Variants in RPS6KC1 observed in about 807,000 individuals in gnomAD.
RPS6KC1 encodes ribosomal protein S6 kinase C1.
Under a neutral mutation model 103.8 loss-of-function variants are expected in RPS6KC1, and 54 were observed. The ratio of observed to expected loss-of-function variants is 0.52; its 90% confidence interval spans 0.42 to 0.65. The LOEUF is 0.65. Ranked by LOEUF, RPS6KC1 falls within the 30% of genes least tolerant of loss-of-function variation. The probability of loss-of-function intolerance (pLI) is 0.00; values close to 1 mark genes in which losing one functional copy is unlikely to be tolerated. For synonymous variants in RPS6KC1, 439 were observed against 438.7 expected, an observed-to-expected ratio of 1.00 and a Z score of -0.01; for missense variants, 1,151 against 1,253.8, an observed-to-expected ratio of 0.92 and a Z score of 1.24.
the RPS6KC1 span, among the ~76,000 whole-genome samples, chr1:213,363,632 TTCTTTCTTTCTTTC>T: frequency 1.1e-4 from 3 of 26,270 alleles, 1 homozygote; most frequent in Non-Finnish European, 2.4e-4. Context: ...CTTGCTTTCT[TTCTTTCTTTCTTTC>T]TTTCTTTCTT....
At chr1:213,567,873 G>C in the RPS6KC1 span, among the ~76,000 whole-genome samples, 2 of 152,182 alleles carry the variant, frequency 1.3e-5, no homozygotes, top group African/African-American at 2.4e-5. Flanking sequence ...CCTGGCCTGG[G>C]AAAGTTACTC....
At chr1:213,696,274 C>T in the RPS6KC1 span, among the ~76,000 whole-genome samples, 11 of 151,780 alleles carry the variant, frequency 7.2e-5, no homozygotes, top group South Asian at 2.1e-4. Flanking sequence ...CTGAGGCGGG[C>T]GGATCACCTG....
At chr1:213,572,161 C>T in the RPS6KC1 span, among the ~76,000 whole-genome samples, 5 of 152,166 alleles carry the variant, frequency 3.3e-5, no homozygotes, top group African/African-American at 1.2e-4. Flanking sequence ...GAGGGATGGG[C>T]AGACATAGCT....
chr1:213,452,554 C>T, the RPS6KC1 span, among the ~76,000 whole-genome samples: 2 of 152,184 alleles, frequency 1.3e-5, no homozygotes, highest in Non-Finnish European at 2.9e-5. Context: ...TTCCTCCCCA[C>T]ATTTTCTCTA....
intron 6 of RPS6KC1, among the ~76,000 whole-genome samples, chr1:213,153,747 CT>C (rs1385572268): frequency 4.6e-5 from 7 of 152,138 alleles, no homozygotes; most frequent in Non-Finnish European, 8.8e-5. Context: ...TTTAGCACTT[CT>C]TGTAGGACAG....
In RPS6KC1 at chr1:213,212,266, C is replaced by CT. The variant is rs911438677; in HGVS notation, c.1045-18221dup. ...CTGCCAACATGTGGTAACCACTGATCTTTTTTTTTTCTATCTCCACAGTTT... is the reference window on the plus strand; with the variant it reads ...CTGCCAACATGTGGTAACCACTGATCTTTTTTTTTTTCTATCTCCACAGTTT... On this transcript the variant is annotated intron_variant, in intron 8 of 14. Coordinates refer to ENST00000366960, the MANE Select transcript of RPS6KC1 (RefSeq NM_012424.6). Among the ~76,000 whole-genome samples the CT allele has an allele frequency of 3.3e-5, 5 of 149,784 alleles. 1 individual carries two copies. The highest frequency in any genetic ancestry group is 4.9e-5 in the African/African-American group (2 of 40,766).
At chr1:213,281,121 T>G in the RPS6KC1 span, among the ~76,000 whole-genome samples, 1 of 152,272 alleles carries the variant, frequency 6.6e-6, no homozygotes, top group Non-Finnish European at 1.5e-5. Context: ...GAGGCCAGTT[T>G]GATCCTAGGA....
the RPS6KC1 span, among the ~76,000 whole-genome samples, chr1:213,696,921 C>T: frequency 2.6e-5 from 4 of 152,062 alleles, no homozygotes; most frequent in Non-Finnish European, 5.9e-5. Flanking sequence ...GTGGAGGGCT[C>T]GGTCCCACAA....
At chr1:213,602,124 T>TCTCTCTCTCTC in the RPS6KC1 span, among the ~76,000 whole-genome samples, 11 of 41,038 alleles carry the variant, frequency 2.7e-4, 1 homozygote, top group African/African-American at 1.1e-3. Context: ...TTCTTTCTCT[T>TCTCTCTCTCTC]TCTTTCTTTC....
the RPS6KC1 span, among the ~76,000 whole-genome samples, chr1:213,756,577 T>C: frequency 6.6e-6 from 1 of 152,216 alleles, no homozygotes; most frequent in African/African-American, 2.4e-5. Flanking sequence ...CATCACACTT[T>C]GGTAATTTTT....
At chr1:213,620,930 A>G in the RPS6KC1 span, among the ~76,000 whole-genome samples, 19 of 152,314 alleles carry the variant, frequency 1.2e-4, 1 homozygote, top group East Asian at 2.7e-3. Flanking sequence ...CCAGCCTCCC[A>G]TTGGCTAACT....
At chr1:213,376,084 CTG>C in the RPS6KC1 span, among the ~76,000 whole-genome samples, 35,590 of 139,822 alleles carry the variant, frequency 0.25, 4,496 homozygotes, top group Middle Eastern at 0.36. Context: ...CTCGTGACAA[CTG>C]TGTGTGTGTG....
the RPS6KC1 span, among the ~76,000 whole-genome samples, chr1:213,754,681 T>A: frequency 6.6e-6 from 1 of 152,232 alleles, no homozygotes. Flanking sequence ...GTGCTTCCTC[T>A]ACAGTCGGTG....
chr1:213,330,760 C>T, the RPS6KC1 span, among the ~76,000 whole-genome samples: 36 of 152,306 alleles, frequency 2.4e-4, no homozygotes, highest in Non-Finnish European at 3.5e-4. Context: ...CTTTGCTCTC[C>T]GCGATCACTT....
the RPS6KC1 span, among the ~76,000 whole-genome samples, chr1:213,603,717 G>A: frequency 4.0e-5 from 6 of 151,778 alleles, no homozygotes; most frequent in African/African-American, 1.5e-4. Context: ...AAAATTAGCC[G>A]GGCATCATGG....
chr1:213,078,265 A>G (rs1461262944), intron 3 of RPS6KC1, among the ~76,000 whole-genome samples: 1 of 150,322 alleles, frequency 6.7e-6, no homozygotes, highest in Non-Finnish European at 1.5e-5. Context: ...CAGTTTTCAA[A>G]TACCTAGGTA....
At chr1:213,244,123 G>A (rs1000706704) in intron 12 of RPS6KC1, among the ~76,000 whole-genome samples, 1 of 150,608 alleles carries the variant, frequency 6.6e-6, no homozygotes, top group African/African-American at 2.4e-5. Context: ...ATAATGTGAT[G>A]TTATGTTTTG....
At chr1:213,454,219 C>A in the RPS6KC1 span, among the ~76,000 whole-genome samples, 1 of 152,052 alleles carries the variant, frequency 6.6e-6, no homozygotes, top group South Asian at 2.1e-4. Flanking sequence ...GCCACAGCTG[C>A]TTACAAAGAC....
the RPS6KC1 span, among the ~76,000 whole-genome samples, chr1:213,760,391 G>A: frequency 2.8e-4 from 43 of 152,254 alleles, no homozygotes; most frequent in African/African-American, 6.7e-4. Context: ...TGCTGCTGCC[G>A]GTCCCTGCCC....
Sources: gnomAD v4.1 joint callset for allele counts (sites outside exome capture counted in the v4.1 genomes callset) on GRCh38, gnomAD v4.1.1 for gene constraint, MANE v1.5 for transcripts, NCBI Gene and HGNC (gene_info 2026-07-23, HGNC 2026-07-21) for gene names.